DPP10: variants seen among roughly 807,000 people sequenced by gnomAD.
DPP10 encodes inactive dipeptidyl peptidase 10.
In DPP10, 33 loss-of-function variants were observed where a neutral mutation model predicts 120.9. The ratio of observed to expected loss-of-function variants is 0.27; its 90% CI spans 0.21 to 0.37. The LOEUF is 0.37. Ranked by LOEUF, DPP10 falls within the 10% of genes least tolerant of loss-of-function variation. DPP10 has a pLI of 1.00. For missense variants in DPP10, 816 were observed against 942.8 expected, an observed-to-expected ratio of 0.87 and a Z score of 1.76; for synonymous variants, 337 against 326.1, an observed-to-expected ratio of 1.03 and a Z score of -0.36.
At position 115,286,480 on chromosome 2, in the gene DPP10, A is replaced by AAT. The variant is rs1424111275; in HGVS notation, c.61-22749_61-22748dup. 6.0e-5 allele frequency among the ~76,000 whole-genome samples: 3 copies of AAT among 49,600 alleles called. 1 individual carries two copies. Among genetic ancestry groups the AAT allele is most frequent in the African/African-American group, 1.7e-4 (3 of 17,500 alleles). 32.5% of individuals were successfully genotyped at this position (49,600 alleles called of 152,430 possible). The stretch of plus-strand genomic sequence containing the variant: ...AGTTTAAAGTGAAATATATATATGT[A>AAT]ATATATATATAATATATATATATTA... On this transcript the variant is annotated intron_variant, in intron 1 of 25. Coordinates refer to ENST00000410059, the MANE Select transcript of DPP10 (RefSeq NM_020868.6).
intron 1 of DPP10, among the ~76,000 whole-genome samples, chr2:115,154,005 C>T (rs1375624528): frequency 1.3e-5 from 2 of 152,066 alleles, no homozygotes; most frequent in African/African-American, 4.8e-5. Context: ...GATAAACAAG[C>T]TTATTTAATA....
chr2:115,650,482 A>C (rs2087668548), intron 5 of DPP10, among the ~76,000 whole-genome samples: 1 of 152,116 alleles, frequency 6.6e-6, no homozygotes, highest in Admixed American at 6.6e-5. Flanking sequence ...TAAATAAATT[A>C]ACTTACAAGC....
At chr2:115,492,982 A>G (rs1242447659) in intron 3 of DPP10, among the ~76,000 whole-genome samples, 6 of 152,176 alleles carry the variant, frequency 3.9e-5, no homozygotes, top group African/African-American at 1.2e-4. Context: ...GGGCATTGTA[A>G]GAAAATCTGA....
intron 1 of DPP10, among the ~76,000 whole-genome samples, chr2:114,521,034 C>T (rs1400750218): frequency 6.6e-6 from 1 of 151,860 alleles, no homozygotes; most frequent in African/African-American, 2.4e-5. Flanking sequence ...GCACCGTGAG[C>T]AGAAGACCTA....
chr2:115,361,190 C>T (rs546495810), intron 3 of DPP10, among the ~76,000 whole-genome samples: 2 of 152,116 alleles, frequency 1.3e-5, no homozygotes, highest in South Asian at 4.2e-4. Context: ...TCCCACACCT[C>T]AGTCTTCTCT....
intron 1 of DPP10, among the ~76,000 whole-genome samples, chr2:115,186,511 G>A (rs189339659): frequency 1.7e-4 from 26 of 152,298 alleles, no homozygotes; most frequent in African/African-American, 5.8e-4. Context: ...GGTAGTAGTG[G>A]AGGTGAGTCA....
At chr2:115,740,112 T>G (rs1023408059) in intron 9 of DPP10, among the ~76,000 whole-genome samples, 1 of 152,108 alleles carries the variant, frequency 6.6e-6, no homozygotes, top group Non-Finnish European at 1.5e-5. Context: ...TCACTTTTGT[T>G]GCATTTCTTT....
At chr2:114,980,701 A>G (rs1321677095) in intron 1 of DPP10, among the ~76,000 whole-genome samples, 1 of 151,846 alleles carries the variant, frequency 6.6e-6, no homozygotes, top group Non-Finnish European at 1.5e-5. Context: ...CCAAAACACA[A>G]TCCCAGGTTC....
chr2:115,444,177 T>C (rs2072348961), intron 3 of DPP10, among the ~76,000 whole-genome samples: 1 of 152,204 alleles, frequency 6.6e-6, no homozygotes, highest in Non-Finnish European at 1.5e-5. Flanking sequence ...AGACCAGAGA[T>C]GGTCCAAGTT....
At chr2:115,803,570 C>A (rs555518738) in intron 19 of DPP10, among the ~76,000 whole-genome samples, 3 of 152,120 alleles carry the variant, frequency 2.0e-5, no homozygotes, top group African/African-American at 7.2e-5. Flanking sequence ...TGGCTGGTAC[C>A]GGTTGTTCCT....
intron 1 of DPP10, among the ~76,000 whole-genome samples, chr2:115,070,625 T>C (rs980319192): frequency 6.6e-6 from 1 of 152,166 alleles, no homozygotes; most frequent in African/African-American, 2.4e-5. Flanking sequence ...GTATTGACTA[T>C]CAAACAGCCA....
intron 1 of DPP10, among the ~76,000 whole-genome samples, chr2:114,992,792 A>C (rs1313203033): frequency 6.6e-6 from 1 of 152,210 alleles, no homozygotes; most frequent in African/African-American, 2.4e-5. Flanking sequence ...AGAGTTTTAA[A>C]ATCGATGACA....
At position 114,817,552 on chromosome 2, in the gene DPP10, G is replaced by A. The variant is rs190961548; in HGVS notation, c.60+374714G>A. ...GGGCCAGCCAATAGGAGTTCTGGCC[G>A]TAGAGAAATGTGGCTCTTACTAGAA... On this transcript the variant is annotated intron_variant, in intron 1 of 25. Coordinates refer to ENST00000410059, the MANE Select transcript of DPP10 (RefSeq NM_020868.6). Among the ~76,000 whole-genome samples the A allele has an allele frequency of 7.5e-4, 114 of 152,302 alleles. 1 individual carries two copies. The highest frequency in any genetic ancestry group is 2.6e-3 in the African/African-American group (110 of 41,568).
At chr2:114,643,065 T>C (rs537684402) in intron 1 of DPP10, among the ~76,000 whole-genome samples, 2 of 151,948 alleles carry the variant, frequency 1.3e-5, no homozygotes, top group South Asian at 4.2e-4. Context: ...TCAAACAAAT[T>C]TTTTTTCAGA....
At chr2:115,208,754 C>T (rs570231790) in intron 1 of DPP10, among the ~76,000 whole-genome samples, 17 of 152,168 alleles carry the variant, frequency 1.1e-4, no homozygotes, top group African/African-American at 2.9e-4. Flanking sequence ...AGTGGCAGGA[C>T]GTCCTGCCCT....
chr2:115,653,124 G>A (rs979162187), intron 5 of DPP10, among the ~76,000 whole-genome samples: 2 of 151,922 alleles, frequency 1.3e-5, no homozygotes, highest in South Asian at 4.1e-4. Flanking sequence ...CAGTTAATTA[G>A]AGGTGGATAT....
chr2:115,497,607 A>C (rs982174), intron 3 of DPP10, among the ~76,000 whole-genome samples: 32,237 of 152,014 alleles, frequency 0.21, 3,923 homozygotes, highest in East Asian at 0.39. Flanking sequence ...TTGGCTCTTG[A>C]TAATTCATGA....
intron 1 of DPP10, among the ~76,000 whole-genome samples, chr2:114,579,692 C>A (rs1217747246): frequency 1.3e-5 from 2 of 152,140 alleles, no homozygotes; most frequent in African/African-American, 4.8e-5. Context: ...TTATAAATCT[C>A]GTCGGAGAGA....
intron 5 of DPP10, among the ~76,000 whole-genome samples, chr2:115,591,643 T>G (rs1282453442): frequency 1.3e-5 from 2 of 152,154 alleles, no homozygotes; most frequent in South Asian, 2.1e-4. Flanking sequence ...TGTGGACTCT[T>G]TTTTGGTTCC....
Sources: gnomAD v4.1 joint callset for allele counts (sites outside exome capture counted in the v4.1 genomes callset) on GRCh38, gnomAD v4.1.1 for gene constraint, MANE v1.5 for transcripts, NCBI Gene and HGNC (gene_info 2026-07-23, HGNC 2026-07-21) for gene names.